ADAMTS2: variants seen among roughly 807,000 people sequenced by gnomAD.
The protein encoded by ADAMTS2 is A disintegrin and metalloproteinase with thrombospondin motifs 2.
Under a neutral mutation model 123.0 loss-of-function variants are expected in ADAMTS2, and 50 were observed. The ratio of observed to expected loss-of-function variants is 0.41; its 90% confidence interval spans 0.32 to 0.51. The LOEUF (loss-of-function observed/expected upper bound fraction) is 0.51. ADAMTS2 is among the 20% of genes least tolerant of loss of function. The pLI is 0.35. For synonymous variants in ADAMTS2, 678 were observed against 695.4 expected, an observed-to-expected ratio of 0.98 and a Z score of 0.39; for missense variants, 1,494 against 1,705.2, an observed-to-expected ratio of 0.88 and a Z score of 2.18.
At chr5:179,136,073 G>A (rs776025198) in intron 12 of ADAMTS2, 31 bp from the exon 13 acceptor site, 19 of 1,612,856 alleles carry the variant, frequency 1.2e-5, no homozygotes, top group Non-Finnish European at 1.4e-5. Flanking sequence ...GGTCTGCAAG[G>A]AGCCCTGATG....
At chr5:179,134,324 G>A (rs765329342) in intron 13 of ADAMTS2, among the ~76,000 whole-genome samples, 5 of 152,160 alleles carry the variant, frequency 3.3e-5, no homozygotes, top group East Asian at 1.9e-4. Context: ...TCACATGCAA[G>A]CCAGCCAGTC....
At position 179,345,059 on chromosome 5, in the gene ADAMTS2, T is replaced by A. The variant is rs1757900736; in HGVS notation, c.139+131A>T. The A allele has an allele frequency of 1.4e-6, 1 of 714,964 alleles. No individual in the cohort carries two copies. Among genetic ancestry groups the A allele is most frequent in the East Asian group, 1.1e-4 (1 of 9,450 alleles). The allele number at this position is 714,964 out of a possible 1,614,324, so 44.3% of individuals were successfully genotyped here. A position where few individuals can be genotyped will look rare whatever the true frequency, so the allele number is the denominator to read the frequency against. On this transcript the variant is annotated intron_variant, in intron 1 of 21. Coordinates refer to ENST00000251582, the MANE Select transcript of ADAMTS2 (RefSeq NM_014244.5). This position sits in a 1 kb window ranked among gnomAD's most constrained non-coding sequence, Gnocchi z 7.5. ...CAACCCGGCCCCGAAGTTGGCCAAC[T>A]TGGCCCCGGGCGGGGCGCGCGGAGT... is the stretch of plus-strand genomic sequence containing the variant.
Position 179,239,555 on chromosome 5 carries a change from A to G in ADAMTS2, c.689-31840T>C, listed in dbSNP as rs556193409. 1.1e-4 allele frequency among the ~76,000 whole-genome samples: 17 copies of G among 152,202 alleles called. No homozygotes were observed. In the East Asian group the frequency reaches 3.3e-3, roughly 29 times the overall value. ...ACAGATGAGGTGCAGATTCTGCTGG[A>G]GTCAGGAGCGTGGGCAATACAGAGA... On this transcript the variant is annotated intron_variant, in intron 3 of 21. Transcript: ENST00000251582.
intron 3 of ADAMTS2, among the ~76,000 whole-genome samples, chr5:179,249,420 T>C (rs1220078198): frequency 2.0e-5 from 3 of 151,606 alleles, no homozygotes; most frequent in Non-Finnish European, 4.4e-5. Flanking sequence ...GTAGACAAAA[T>C]AGAGAATTGA....
In ADAMTS2 at chr5:179,139,910, G is replaced by A; in HGVS notation, c.1755C>T (p.Thr585=). ...CTCACTGTGGGTTGTCACACTGGCG[G>A]GTCCTGAACTTCACGCCCGTGCCAC... is the stretch of plus-strand genomic sequence containing the variant. ...RTCGTGVKFR[T]RQCDNPHPAN... Residue 585 remains threonine (T), a synonymous_variant, in exon 11 of 22, where the codon ACC becomes ACT. Transcript: ENST00000251582. The A allele has an allele frequency of 6.2e-7, 1 of 1,612,112 alleles. No individual in the cohort carries two copies. Among genetic ancestry groups the A allele is most frequent in the Admixed American group, 1.7e-5 (1 of 60,018 alleles).
At chr5:179,211,726 G>A (rs1764853848) in intron 3 of ADAMTS2, among the ~76,000 whole-genome samples, 1 of 152,230 alleles carries the variant, frequency 6.6e-6, no homozygotes, top group Non-Finnish European at 1.5e-5. Context: ...GGTCACAGTA[G>A]CCACGGGCTC....
intron 2 of ADAMTS2, among the ~76,000 whole-genome samples, chr5:179,321,070 GT>G (rs1049640653): frequency 3.3e-5 from 5 of 151,712 alleles, no homozygotes; most frequent in South Asian, 4.2e-4. Context: ...TAACCAATAA[GT>G]TTTTTTTTCT....
At chr5:179,305,055 G>GA (rs3084664) in intron 2 of ADAMTS2, among the ~76,000 whole-genome samples, 2,265 of 126,052 alleles carry the variant, frequency 0.018, 34 homozygotes, top group African/African-American at 0.038. Flanking sequence ...TTAAAATGCT[G>GA]AAAAAAAAAA....
chr5:179,111,917 C>T lies in ADAMTS2; in HGVS notation c.*1950G>A, dbSNP rs1055640761. The T allele has an allele frequency of 2.6e-5, 4 of 152,286 alleles. No individual in the cohort carries two copies. The highest frequency in any genetic ancestry group is 9.6e-5 in the African/African-American group (4 of 41,474). 9.4% of individuals were successfully genotyped at this position (152,286 alleles called of 1,614,324 possible). A position where few individuals can be genotyped will look rare whatever the true frequency, so the allele number is the denominator to read the frequency against. ...TAAGGAAGGGGTACTATGAGAGATACTCAGAAAGGTTTTCTCCAGTTTGGT... is the reference window on the plus strand; with the variant it reads ...TAAGGAAGGGGTACTATGAGAGATATTCAGAAAGGTTTTCTCCAGTTTGGT... On this transcript the variant is annotated 3_prime_UTR_variant, in exon 22 of 22. Transcript: ENST00000251582.
intron 2 of ADAMTS2, among the ~76,000 whole-genome samples, chr5:179,328,178 G>A (rs563794819): frequency 5.3e-5 from 8 of 152,238 alleles, no homozygotes; most frequent in South Asian, 2.1e-4. Context: ...GACTACAGGC[G>A]CGCACCACCA....
At chr5:179,214,159 A>G (rs1284821092) in intron 3 of ADAMTS2, among the ~76,000 whole-genome samples, 1 of 107,808 alleles carries the variant, frequency 9.3e-6, no homozygotes, top group Non-Finnish European at 2.2e-5. Flanking sequence ...ACTGAGACAC[A>G]TTAGGACACA....
At chr5:179,235,645 G>A (rs1306609612) in intron 3 of ADAMTS2, among the ~76,000 whole-genome samples, 1 of 152,340 alleles carries the variant, frequency 6.6e-6, no homozygotes, top group East Asian at 1.9e-4. Context: ...TGGTAGGCCA[G>A]GCCTTGCCCT....
intron 2 of ADAMTS2, among the ~76,000 whole-genome samples, chr5:179,278,456 G>A (rs1410821582): frequency 6.6e-6 from 1 of 151,996 alleles, no homozygotes; most frequent in Admixed American, 6.6e-5. Context: ...GTTTTTACAT[G>A]TAATTTTTAT....
In ADAMTS2 at chr5:179,225,809, C is replaced by T. The variant is rs1411971081; in HGVS notation, c.689-18094G>A. On this transcript the variant is annotated intron_variant, in intron 3 of 21. Transcript: ENST00000251582. This position sits in a 1 kb window ranked among gnomAD's most constrained non-coding sequence, Gnocchi z 4.5. ...CTCAATAAAACCTCGCACTCATTCT[C>T]CAAGCCCACGTGTGATCTGATTCTT... is the stretch of plus-strand genomic sequence containing the variant. 6.6e-6 allele frequency among the ~76,000 whole-genome samples: 1 copy of T among 152,214 alleles called. No homozygotes were observed. The highest frequency in any genetic ancestry group is 2.4e-5 in the African/African-American group (1 of 41,456).
At chr5:179,139,598 C>T (rs1486998717) in intron 11 of ADAMTS2, among the ~76,000 whole-genome samples, 2 of 152,154 alleles carry the variant, frequency 1.3e-5, no homozygotes, top group Admixed American at 6.5e-5. Flanking sequence ...TCGGTCCTCC[C>T]TCCTCTCCTC....
At chr5:179,166,408 G>A (rs981821405) in intron 5 of ADAMTS2, among the ~76,000 whole-genome samples, 25 of 152,206 alleles carry the variant, frequency 1.6e-4, no homozygotes, top group Admixed American at 1.5e-3. Flanking sequence ...GCAAGAGCTT[G>A]ATGGCCCTCA....
Position 179,303,456 on chromosome 5 carries a change from G to A in ADAMTS2, c.535-30392C>T, listed in dbSNP as rs1756586319. 6.6e-6 allele frequency among the ~76,000 whole-genome samples: 1 copy of A among 152,144 alleles called. No homozygotes were observed. Among genetic ancestry groups the A allele is most frequent in the Admixed American group, 6.5e-5 (1 of 15,284 alleles). Reference sequence around the variant, plus strand: ...GAAGAAGACTAGAATGTGAGGTTCAGCAAACCCGCAGAGTTTACTCTTCAT... The same window carrying A: ...GAAGAAGACTAGAATGTGAGGTTCAACAAACCCGCAGAGTTTACTCTTCAT... On this transcript the variant is annotated intron_variant, in intron 2 of 21. Transcript: ENST00000251582. The surrounding 1 kb of genome is among the most constrained non-coding windows in gnomAD (Gnocchi z 4.7).
At chr5:179,282,447 G>C (rs934672406) in intron 2 of ADAMTS2, among the ~76,000 whole-genome samples, 4 of 152,190 alleles carry the variant, frequency 2.6e-5, no homozygotes, top group Non-Finnish European at 5.9e-5. Context: ...ATCAATATGA[G>C]GATGTATTTC....
At chr5:179,227,929 G>A (rs1395549526) in intron 3 of ADAMTS2, among the ~76,000 whole-genome samples, 1 of 152,114 alleles carries the variant, frequency 6.6e-6, no homozygotes, top group East Asian at 1.9e-4. Context: ...AGACTGAGAG[G>A]GGGAGTCACA....
Sources: allele counts gnomAD v4.1 joint callset (sites outside exome capture counted in the v4.1 genomes callset), GRCh38; gene constraint gnomAD v4.1.1; non-coding constraint Gnocchi (gnomAD v3.1); transcripts MANE v1.5; gene names NCBI Gene and HGNC (gene_info 2026-07-23, HGNC 2026-07-21).